BCL11B: variants seen among roughly 807,000 people sequenced by gnomAD.
BCL11B encodes the protein BCL11 transcription factor B, also known as B-cell lymphoma/leukemia 11B.
BCL11B carries 8 observed loss-of-function variants against 49.9 expected under a neutral mutation model. That is an observed-to-expected ratio of 0.16 (90% CI 0.09 to 0.29). The LOEUF (loss-of-function observed/expected upper bound fraction) is 0.29. Among genes scored for constraint, BCL11B ranks in the 10% least tolerant of loss-of-function variants. The pLI, the probability that BCL11B is intolerant of heterozygous loss-of-function variation, is 1.00. For missense variants in BCL11B, 1,006 were observed against 1,351.0 expected (o/e 0.74, Z 4.00); for synonymous variants, 739 against 637.4 (o/e 1.16, Z -2.40).
At chr14:99,240,594 A>G (rs989623286) in intron 2 of BCL11B, among the ~76,000 whole-genome samples, 3 of 152,196 alleles carry the variant, frequency 2.0e-5, no homozygotes, top group East Asian at 1.9e-4. Flanking sequence ...TACATATCGT[A>G]AGCCTTCTTT....
chr14:99,198,314 T>C (rs537305733), intron 3 of BCL11B, among the ~76,000 whole-genome samples: 4 of 152,356 alleles, frequency 2.6e-5, no homozygotes, highest in African/African-American at 9.6e-5. Flanking sequence ...TTTCGGTCCC[T>C]TTCCTGTGGA....
intron 3 of BCL11B, among the ~76,000 whole-genome samples, chr14:99,218,232 A>ATTTTTTTTTTTTTT (rs34932370): frequency 3.5e-5 from 4 of 112,878 alleles, no homozygotes; most frequent in Non-Finnish European, 3.6e-5. Flanking sequence ...TGCCTGGCTA[A>ATTTTTTTTTTTTTT]TTTTTTTTTT....
At chr14:99,182,585 T>C (rs1566798469) in intron 3 of BCL11B, among the ~76,000 whole-genome samples, 1 of 152,146 alleles carries the variant, frequency 6.6e-6, no homozygotes, top group Non-Finnish European at 1.5e-5. Context: ...ATAGATGCCA[T>C]TTAGAAGAGA....
At position 99,243,585 on chromosome 14, in the gene BCL11B, G is replaced by A. The variant is rs193169864; in HGVS notation, c.428-12028C>T. ...CAGATGAACTGGTTTGCCCTGGGCT[G>A]TTTAGGAAGTCAATGCATTCGAGAC... On this transcript the variant is annotated intron_variant, in intron 2 of 3. Transcript: ENST00000357195. 4.3e-3 allele frequency among the ~76,000 whole-genome samples: 653 copies of A among 152,180 alleles called. 4 individuals are homozygous for A. The highest frequency in any genetic ancestry group is 4.8e-3 in the Admixed American group (73 of 15,280).
Position 99,190,420 on chromosome 14 carries a change from G to A in BCL11B, c.641-14225C>T, listed in dbSNP as rs369136120. On this transcript the variant is annotated intron_variant, in intron 3 of 3. Transcript: ENST00000357195. ...GGAGAATCGCTTGAACCCGGGAAGT[G>A]GAGGTTGCAGTGAGCCGAGATGGCA... 5.9e-5 allele frequency among the ~76,000 whole-genome samples: 9 copies of A among 152,372 alleles called. No homozygotes were observed. In the East Asian group the frequency reaches 1.2e-3, roughly 20 times the overall value.
chr14:99,261,680 G>A (rs1028519351), intron 1 of BCL11B, among the ~76,000 whole-genome samples: 3 of 152,302 alleles, frequency 2.0e-5, no homozygotes, highest in Admixed American at 6.5e-5. Context: ...AGCTCCCCAA[G>A]TGTCGGGCAG....
At chr14:99,264,974 T>G (rs1889440393) in intron 1 of BCL11B, among the ~76,000 whole-genome samples, 1 of 152,024 alleles carries the variant, frequency 6.6e-6, no homozygotes, top group Admixed American at 6.5e-5. Flanking sequence ...GACATTTGGC[T>G]CCCTGGGACC....
At position 99,257,910 on chromosome 14, in the gene BCL11B, C is replaced by T. The variant is rs1889220409; in HGVS notation, c.59-71G>A. ...GGGCTTAGGCGGTCACAGCACCCAA[C>T]TTCCGGTCCACCCCTTCCCCGCCAA... On this transcript the variant is annotated intron_variant, in intron 1 of 3. Coordinates refer to ENST00000357195, the MANE Select transcript of BCL11B (RefSeq NM_138576.4). This position sits in a 1 kb window ranked among gnomAD's most constrained non-coding sequence, Gnocchi z 6.2. The T allele has an allele frequency of 1.4e-6, 2 of 1,425,384 alleles. No homozygotes were observed. The highest frequency in any genetic ancestry group is 1.4e-5 in the African/African-American group (1 of 70,166). 88.3% of individuals were successfully genotyped at this position (1,425,384 alleles called of 1,614,324 possible).
In BCL11B at chr14:99,175,013, G is replaced by A. The variant is rs765155091; in HGVS notation, c.1823C>T (p.Pro608Leu). ...GTCGGCCAGGAGCTCGCCGTACTGC[G>A]GCAGTGCGCCTAGGCCCACGTTCTC... ...VMENVGLGAL[P>L]QYGELLADKQ... is the part of the protein sequence containing the mutation. The change falls in exon 4 of 4, where the codon CCG becomes CTG. Residue 608 changes from proline to leucine, a missense_variant. Pro to Leu is a moderately conservative substitution (Grantham distance 98). Transcript: ENST00000357195. 2 of 1,592,150 alleles carry A rather than the reference G, an allele frequency of 1.3e-6. No homozygotes were observed. The highest frequency in any genetic ancestry group is 1.1e-5 in the South Asian group (1 of 90,914).
intron 3 of BCL11B, among the ~76,000 whole-genome samples, chr14:99,211,006 A>G (rs1321065878): frequency 5.3e-5 from 8 of 152,134 alleles, no homozygotes; most frequent in Admixed American, 1.3e-4. Flanking sequence ...CCCTCTACCA[A>G]TGACGACAAT....
chr14:99,187,745 T>C (rs1206417371), intron 3 of BCL11B, among the ~76,000 whole-genome samples: 2 of 140,366 alleles, frequency 1.4e-5, no homozygotes, highest in South Asian at 2.5e-4. Flanking sequence ...ACACGTGGGA[T>C]CTCAGTCTCC....
At chr14:99,181,161 C>T (rs533878836) in intron 3 of BCL11B, among the ~76,000 whole-genome samples, 1 of 152,262 alleles carries the variant, frequency 6.6e-6, no homozygotes, top group East Asian at 1.9e-4. Context: ...ATTTAGTGGC[C>T]CACTGCTGTT....
chr14:99,202,476 A>G (rs1887413712), intron 3 of BCL11B, among the ~76,000 whole-genome samples: 1 of 152,204 alleles, frequency 6.6e-6, no homozygotes, highest in Non-Finnish European at 1.5e-5. Flanking sequence ...CAATTTCATG[A>G]TCAGCCAAAA....
intron 3 of BCL11B, among the ~76,000 whole-genome samples, chr14:99,183,056 C>T (rs1275652717): frequency 7.6e-6 from 1 of 131,044 alleles, no homozygotes; most frequent in African/African-American, 3.0e-5. Context: ...GCTCACACTC[C>T]AGGGGGGAGA....
At chr14:99,237,601 T>C (rs1173713090) in intron 2 of BCL11B, among the ~76,000 whole-genome samples, 1 of 152,080 alleles carries the variant, frequency 6.6e-6, no homozygotes, top group East Asian at 1.9e-4. Context: ...CCATTACGGG[T>C]CTCTAGTCCC....
In BCL11B at chr14:99,262,680, T is replaced by C. The variant is rs1889370660; in HGVS notation, c.59-4841A>G. On this transcript the variant is annotated intron_variant, in intron 1 of 3. Transcript: ENST00000357195. The surrounding 1 kb of genome is among the most constrained non-coding windows in gnomAD (Gnocchi z 4.2). ...GAGCTCTTGCCAGCGAGCCCATGCT[T>C]ACCCATAATCTACGAAGAGATCTTT... Among the ~76,000 whole-genome samples the C allele has an allele frequency of 6.6e-6, 1 of 152,178 alleles. No homozygotes were observed. The highest frequency in any genetic ancestry group is 6.5e-5 in the Admixed American group (1 of 15,286).
chr14:99,253,602 GGGGCTCTGACT>G (rs1397380527), intron 2 of BCL11B, among the ~76,000 whole-genome samples: 2 of 152,146 alleles, frequency 1.3e-5, no homozygotes, highest in Non-Finnish European at 2.9e-5. Context: ...GGAGCAGGGT[GGGGCTCTGACT>G]CGGGCTGTGT....
At chr14:99,207,810 A>G (rs1199006222) in intron 3 of BCL11B, among the ~76,000 whole-genome samples, 1 of 152,136 alleles carries the variant, frequency 6.6e-6, no homozygotes, top group Admixed American at 6.5e-5. Flanking sequence ...TGGAGCAAGG[A>G]GCCCAGTGGA....
chr14:99,173,496 C>T lies in BCL11B; in HGVS notation c.*655G>A, dbSNP rs1886357412. 1 of 211,480 alleles carries T rather than the reference C, an allele frequency of 4.7e-6. No homozygotes were observed. The highest frequency in any genetic ancestry group is 9.6e-6 in the Non-Finnish European group (1 of 104,696). The allele number at this position is 211,480 out of a possible 1,614,324, so 13.1% of individuals were successfully genotyped here. A position where few individuals can be genotyped will look rare whatever the true frequency, so the allele number is the denominator to read the frequency against. The stretch of plus-strand genomic sequence containing the variant: ...ATTCCAGTTCTGAAACAAAGTGCTA[C>T]GACTTGAAAGATTGTTATCCGCTGT... On this transcript the variant is annotated 3_prime_UTR_variant, in exon 4 of 4. Transcript: ENST00000357195.
Sources: gnomAD v4.1 joint callset for allele counts (sites outside exome capture counted in the v4.1 genomes callset) on GRCh38, gnomAD v4.1.1 for gene constraint, Gnocchi (gnomAD v3.1) non-coding constraint, MANE v1.5 for transcripts, NCBI Gene and HGNC (gene_info 2026-07-23, HGNC 2026-07-21) for gene names.